CLNK: variants seen among roughly 807,000 people sequenced by gnomAD.
CLNK encodes cytokine dependent hematopoietic cell linker, also known as cytokine-dependent hematopoietic cell linker.
Under a neutral mutation model 68.6 loss-of-function variants are expected in CLNK, and 74 were observed. The observed-to-expected ratio is 1.08, with a 90% CI of 0.89 to 1.31. The LOEUF (loss-of-function observed/expected upper bound fraction) is 1.31. CLNK is among the 50% of genes most tolerant of loss of function. CLNK has a pLI of 0.00. For missense variants in CLNK, 553 were observed against 515.3 expected (o/e 1.07, Z -0.71); for synonymous variants, 198 against 172.2 (o/e 1.15, Z -1.17).
At chr4:10,696,189 T>C in the CLNK span, among the ~76,000 whole-genome samples, 1 of 152,112 alleles carries the variant, frequency 6.6e-6, no homozygotes, top group Non-Finnish European at 1.5e-5. Flanking sequence ...GGCGTGAGGA[T>C]GAGGTTGAGT....
the CLNK span, among the ~76,000 whole-genome samples, chr4:10,720,242 A>C: frequency 6.6e-6 from 1 of 152,212 alleles, no homozygotes; most frequent in African/African-American, 2.4e-5. Flanking sequence ...ACAGAAAAAA[A>C]ATCAATGAAA....
At chr4:10,703,830 A>C in the CLNK span, among the ~76,000 whole-genome samples, 2 of 152,164 alleles carry the variant, frequency 1.3e-5, no homozygotes, top group African/African-American at 4.8e-5. Context: ...ATATTTAAAC[A>C]CAGAAAAGGT....
chr4:10,624,593 G>GTTTTTTTT (rs10559473), intron 2 of CLNK, among the ~76,000 whole-genome samples: 6 of 122,888 alleles, frequency 4.9e-5, no homozygotes, highest in Non-Finnish European at 9.9e-5. Context: ...CGCCCGGCCA[G>GTTTTTTTT]TTTTTTTTTT....
chr4:10,613,337 C>T (rs1722103480), intron 2 of CLNK, among the ~76,000 whole-genome samples: 1 of 152,054 alleles, frequency 6.6e-6, no homozygotes, highest in African/African-American at 2.4e-5. Context: ...AGGCACTGGG[C>T]ACATCAGCTG....
At chr4:10,550,407 A>G (rs1465247518) in intron 8 of CLNK, among the ~76,000 whole-genome samples, 2 of 152,162 alleles carry the variant, frequency 1.3e-5, no homozygotes, top group Non-Finnish European at 2.9e-5. Flanking sequence ...AGGCAGGAGA[A>G]TGGTGTGAAC....
At chr4:10,641,119 G>A (rs1167162746) in intron 2 of CLNK, among the ~76,000 whole-genome samples, 3 of 152,308 alleles carry the variant, frequency 2.0e-5, no homozygotes, top group Non-Finnish European at 2.9e-5. Context: ...AAAGTTTCTA[G>A]CATGATTTCG....
chr4:10,513,819 CTT>C (rs200731066), intron 15 of CLNK, among the ~76,000 whole-genome samples: 3 of 138,178 alleles, frequency 2.2e-5, no homozygotes, highest in South Asian at 2.4e-4. Flanking sequence ...CCAGAGTCAT[CTT>C]TTTTTTTTTA....
intron 2 of CLNK, among the ~76,000 whole-genome samples, chr4:10,660,277 A>T (rs930668118): frequency 6.6e-6 from 1 of 152,242 alleles, no homozygotes; most frequent in Non-Finnish European, 1.5e-5. Flanking sequence ...GCAGTGGAAG[A>T]CCATAAAATA....
At chr4:10,555,643 C>T (rs1367073371) in intron 8 of CLNK, among the ~76,000 whole-genome samples, 3 of 152,140 alleles carry the variant, frequency 2.0e-5, no homozygotes, top group Non-Finnish European at 4.4e-5. Context: ...TGTACATTAA[C>T]ATAAATCTAT....
chr4:10,687,013 C>A (rs6827843), upstream of CLNK, among the ~76,000 whole-genome samples: 76,086 of 151,858 alleles, frequency 0.5, 19,099 homozygotes, highest in South Asian at 0.56. Context: ...GATATACCTA[C>A]TCCTTTGATG....
intron 8 of CLNK, among the ~76,000 whole-genome samples, chr4:10,543,315 A>T (rs1442210690): frequency 6.6e-6 from 1 of 152,144 alleles, no homozygotes; most frequent in African/African-American, 2.4e-5. Context: ...GTGGTGTAAT[A>T]AATGCTATTT....
intron 12 of CLNK, 61 bp from the exon 13 acceptor site, chr4:10,528,155 C>T (rs1183084927): frequency 3.7e-6 from 3 of 810,712 alleles, no homozygotes; most frequent in Non-Finnish European, 5.1e-6. Context: ...TTTAATATAA[C>T]ACCATGTGTG....
intron 2 of CLNK, among the ~76,000 whole-genome samples, chr4:10,629,346 A>G (rs1282866109): frequency 1.3e-5 from 2 of 152,196 alleles, no homozygotes; most frequent in African/African-American, 4.8e-5. Flanking sequence ...TTCTTCAAAA[A>G]ATACTGGCTA....
At chr4:10,720,772 A>G in the CLNK span, among the ~76,000 whole-genome samples, 2,252 of 151,382 alleles carry the variant, frequency 0.015, 59 homozygotes, top group African/African-American at 0.051. Context: ...TTGTACGGGG[A>G]CGCTGGAAAA....
chr4:10,606,549 T>C (rs1468622958), intron 2 of CLNK, among the ~76,000 whole-genome samples: 3 of 152,232 alleles, frequency 2.0e-5, no homozygotes, highest in African/African-American at 7.2e-5. Context: ...TTGTGTACTT[T>C]ACGTAATTGT....
the CLNK span, among the ~76,000 whole-genome samples, chr4:10,722,593 G>T: frequency 6.6e-6 from 1 of 152,054 alleles, no homozygotes; most frequent in Non-Finnish European, 1.5e-5. Context: ...CAGGTTTTTG[G>T]CATTCTTAAC....
chr4:10,664,952 C>A (rs775299224), intron 2 of CLNK, among the ~76,000 whole-genome samples: 3 of 152,162 alleles, frequency 2.0e-5, no homozygotes, highest in African/African-American at 7.2e-5. Context: ...CAATCCCATA[C>A]GGATTGACTG....
chr4:10,659,669 C>G lies in CLNK; in HGVS notation c.11+8190G>C, dbSNP rs1037039964. Among the ~76,000 whole-genome samples, 22 of 152,114 alleles carry G rather than the reference C, an allele frequency of 1.4e-4. 1 individual carries two copies. Among genetic ancestry groups the G allele is most frequent in the African/African-American group, 5.3e-4 (22 of 41,434 alleles). ...AAGAATGGAAGTCAAGAATGAAGAA[C>G]CAAGCTGGAGGCAACTGATATCTGG... On this transcript the variant is annotated intron_variant, in intron 2 of 18. Transcript: ENST00000226951.
chr4:10,544,052 C>A (rs980039849), intron 8 of CLNK, among the ~76,000 whole-genome samples: 3 of 152,184 alleles, frequency 2.0e-5, no homozygotes, highest in African/African-American at 7.2e-5. Context: ...GCTTCACCTC[C>A]AGAGCTCCCT....
Sources: allele counts gnomAD v4.1 joint callset (sites outside exome capture counted in the v4.1 genomes callset), GRCh38; gene constraint gnomAD v4.1.1; transcripts MANE v1.5; gene names NCBI Gene and HGNC (gene_info 2026-07-23, HGNC 2026-07-21).